The following LRRTM4 variants were observed in gnomAD, a reference collection of about 807,000 sequenced individuals.
The protein encoded by LRRTM4 is leucine rich repeat transmembrane neuronal 4.
Under a neutral mutation model 47.6 loss-of-function variants are expected in LRRTM4, and 25 were observed. The observed-to-expected ratio is 0.53, with a 90% CI of 0.38 to 0.73. The LOEUF is 0.73. Ranked by LOEUF, LRRTM4 falls within the 30% of genes least tolerant of loss-of-function variation. The probability of loss-of-function intolerance (pLI) is 0.00; values close to 1 mark genes in which losing one functional copy is unlikely to be tolerated. For synonymous variants in LRRTM4, 311 were observed against 269.5 expected, an observed-to-expected ratio of 1.15 and a Z score of -1.51; for missense variants, 638 against 713.4, an observed-to-expected ratio of 0.89 and a Z score of 1.20.
intron 3 of LRRTM4, among the ~76,000 whole-genome samples, chr2:76,810,380 C>T (rs188192848): frequency 1.3e-3 from 202 of 152,196 alleles, no homozygotes; most frequent in African/African-American, 4.8e-3. Flanking sequence ...CCTAATTTCA[C>T]CAAAAGGATA....
chr2:77,177,862 G>A (rs1673242443), intron 3 of LRRTM4, among the ~76,000 whole-genome samples: 1 of 152,120 alleles, frequency 6.6e-6, no homozygotes, highest in African/African-American at 2.4e-5. Flanking sequence ...CTTCTTTATG[G>A]TTCCCTTCCA....
intron 3 of LRRTM4, among the ~76,000 whole-genome samples, chr2:76,930,067 G>A (rs1674720163): frequency 1.3e-5 from 2 of 152,076 alleles, no homozygotes; most frequent in Middle Eastern, 3.4e-3. Flanking sequence ...CAGAAAGATT[G>A]GAGATCAGTA....
Position 76,831,673 on chromosome 2 carries a change from A to T in LRRTM4, c.1552-82757T>A, listed in dbSNP as rs1043048183. On this transcript the variant is annotated intron_variant, in intron 3 of 3. Coordinates refer to ENST00000409884, the MANE Select transcript of LRRTM4 (RefSeq NM_001134745.3). ...CTAAATTGAAACCATGGTGTAATGA[A>T]TATGTTCACACACCAGTGAAAATGT... Among the ~76,000 whole-genome samples, 3 of 152,156 alleles carry T rather than the reference A, an allele frequency of 2.0e-5. No individual in the cohort carries two copies. The East Asian group carries it at 5.8e-4, about 29-fold the overall frequency.
chr2:76,765,222 C>A (rs1423907416), intron 3 of LRRTM4, among the ~76,000 whole-genome samples: 2 of 152,088 alleles, frequency 1.3e-5, no homozygotes, highest in East Asian at 1.9e-4. Flanking sequence ...TTTGGAAGCA[C>A]GTAATTTGTG....
intron 3 of LRRTM4, among the ~76,000 whole-genome samples, chr2:77,010,954 G>A (rs746208631): frequency 6.6e-6 from 1 of 152,026 alleles, no homozygotes; most frequent in Non-Finnish European, 1.5e-5. Context: ...CTTGACATCA[G>A]TATGATTTTG....
intron 3 of LRRTM4, among the ~76,000 whole-genome samples, chr2:77,306,435 C>T (rs1677274836): frequency 6.6e-6 from 1 of 152,140 alleles, no homozygotes; most frequent in East Asian, 1.9e-4. Context: ...TATTGCCAAA[C>T]CCTAAACTTA....
At chr2:77,185,221 T>G (rs1434498770) in intron 3 of LRRTM4, among the ~76,000 whole-genome samples, 1 of 152,138 alleles carries the variant, frequency 6.6e-6, no homozygotes, top group African/African-American at 2.4e-5. Context: ...ATTCCACATG[T>G]TCTGGTCTGC....
intron 3 of LRRTM4, among the ~76,000 whole-genome samples, chr2:77,025,972 C>A (rs527768619): frequency 6.6e-6 from 1 of 152,228 alleles, no homozygotes; most frequent in Middle Eastern, 3.4e-3. Context: ...GACACGATTG[C>A]ACATGTTTCC....
At chr2:76,898,775 T>C (rs931386881) in intron 3 of LRRTM4, among the ~76,000 whole-genome samples, 3 of 151,130 alleles carry the variant, frequency 2.0e-5, no homozygotes, top group African/African-American at 7.3e-5. Flanking sequence ...ATATATAAAA[T>C]ATAGTCACTA....
At chr2:77,054,102 G>T (rs189771175) in intron 3 of LRRTM4, among the ~76,000 whole-genome samples, 1 of 151,840 alleles carries the variant, frequency 6.6e-6, no homozygotes, top group Non-Finnish European at 1.5e-5. Flanking sequence ...CAGATTTTTC[G>T]TCCAAAACAT....
At chr2:77,400,165 A>G (rs1673887780) in intron 3 of LRRTM4, among the ~76,000 whole-genome samples, 1 of 151,568 alleles carries the variant, frequency 6.6e-6, no homozygotes, top group Admixed American at 6.6e-5. Flanking sequence ...TGCCCAGCTT[A>G]TTTTCTTCTT....
chr2:76,900,695 A>G (rs1422029506), intron 3 of LRRTM4, among the ~76,000 whole-genome samples: 1 of 152,322 alleles, frequency 6.6e-6, no homozygotes, highest in Non-Finnish European at 1.5e-5. Context: ...AAAATGGGAC[A>G]CTTTACTTTC....
At chr2:77,090,268 C>A (rs1340310602) in intron 3 of LRRTM4, among the ~76,000 whole-genome samples, 2 of 152,010 alleles carry the variant, frequency 1.3e-5, no homozygotes, top group Non-Finnish European at 2.9e-5. Context: ...TTTCTTTATC[C>A]CAAATCAGAA....
At position 77,521,837 on chromosome 2, in the gene LRRTM4, C is replaced by CAAAAAAAA. The variant is rs5832290; in HGVS notation, c.-147-27_-147-20dup. The CAAAAAAAA allele has an allele frequency of 1.3e-5, 2 of 150,458 alleles. No homozygotes were observed. Among genetic ancestry groups the CAAAAAAAA allele is most frequent in the Non-Finnish European group, 2.3e-5 (2 of 87,200 alleles). 9.3% of individuals were successfully genotyped at this position (150,458 alleles called of 1,614,324 possible). A position where few individuals can be genotyped will look rare whatever the true frequency, so the allele number is the denominator to read the frequency against. The stretch of plus-strand genomic sequence containing the variant: ...ATACAAACTTCCCCGAGAGGACAGG[C>CAAAAAAAA]AAAAAAAAAAAAAAAAAATACATAT... On this transcript the variant is annotated intron_variant, in intron 1 of 3. Coordinates refer to ENST00000409884, the MANE Select transcript of LRRTM4 (RefSeq NM_001134745.3).
chr2:77,485,481 G>T (rs1922817), intron 3 of LRRTM4, among the ~76,000 whole-genome samples: 86,492 of 152,020 alleles, frequency 0.57, 25,056 homozygotes, highest in Middle Eastern at 0.65. Flanking sequence ...TGGACCAATG[G>T]TCATGGTGCA....
chr2:76,877,976 A>G (rs1035522488), intron 3 of LRRTM4, among the ~76,000 whole-genome samples: 2 of 152,280 alleles, frequency 1.3e-5, no homozygotes, highest in East Asian at 3.9e-4. Flanking sequence ...TGGTTCCCAG[A>G]TATTTTGTTT....
chr2:77,231,220 CAT>C (rs1482076706), intron 3 of LRRTM4, among the ~76,000 whole-genome samples: 5 of 151,872 alleles, frequency 3.3e-5, no homozygotes, highest in African/African-American at 4.8e-5. Context: ...CACACACACA[CAT>C]GCACACACAC....
At chr2:77,083,806 T>G (rs113253833) in intron 3 of LRRTM4, among the ~76,000 whole-genome samples, 3,372 of 111,946 alleles carry the variant, frequency 0.03, 122 homozygotes, top group Non-Finnish European at 0.04. Flanking sequence ...TTTTTTTTTT[T>G]TTTTTTTTTT....
At chr2:76,884,675 A>G (rs892735585) in intron 3 of LRRTM4, among the ~76,000 whole-genome samples, 10 of 152,172 alleles carry the variant, frequency 6.6e-5, no homozygotes, top group African/African-American at 9.6e-5. Context: ...CATGGTAGAG[A>G]AAAAAGAGAA....
Sources: allele counts gnomAD v4.1 joint callset (sites outside exome capture counted in the v4.1 genomes callset), GRCh38; gene constraint gnomAD v4.1.1; transcripts MANE v1.5; gene names NCBI Gene and HGNC (gene_info 2026-07-23, HGNC 2026-07-21).